Variants in CSRNP3 observed in about 807,000 individuals in gnomAD.
CSRNP3 encodes cysteine and serine rich nuclear protein 3.
Under a neutral mutation model 48.0 loss-of-function variants are expected in CSRNP3, and 12 were observed. That is an observed-to-expected ratio of 0.25 (90% CI 0.16 to 0.41). The LOEUF is 0.41. CSRNP3 is among the 10% of genes least tolerant of loss of function. The pLI is 1.00. For synonymous variants in CSRNP3, 263 were observed against 269.7 expected, an observed-to-expected ratio of 0.98 and a Z score of 0.24; for missense variants, 580 against 724.4, an observed-to-expected ratio of 0.80 and a Z score of 2.29.
chr2:165,669,829 C>G (rs983749657), intron 5 of CSRNP3, among the ~76,000 whole-genome samples: 1 of 152,032 alleles, frequency 6.6e-6, no homozygotes, highest in Non-Finnish European at 1.5e-5. Flanking sequence ...ACATGCCCAC[C>G]CCACACATAC....
intron 4 of CSRNP3, among the ~76,000 whole-genome samples, chr2:165,634,531 T>A (rs1311936575): frequency 6.6e-6 from 1 of 151,644 alleles, no homozygotes; most frequent in African/African-American, 2.4e-5. Flanking sequence ...AACAGACATA[T>A]GCATAACATC....
chr2:165,510,142 A>G (rs1684482279), intron 2 of CSRNP3, among the ~76,000 whole-genome samples: 1 of 152,122 alleles, frequency 6.6e-6, no homozygotes, highest in African/African-American at 2.4e-5. Context: ...TGTCTGCAAG[A>G]TTTATCCACT....
At chr2:165,470,028 A>G (rs908644748) in intron 1 of CSRNP3, among the ~76,000 whole-genome samples, 1 of 152,146 alleles carries the variant, frequency 6.6e-6, no homozygotes, top group Admixed American at 6.6e-5. Context: ...AATAGATAAA[A>G]TGAATCATCA....
In CSRNP3 at chr2:165,544,460, G is replaced by T. The variant is rs142920914; in HGVS notation, c.-24+26499G>T. ...GAACCATTGGAGGGTTTTGAGAAGA[G>T]GATGACATGATCTGACTTAGATATT... is the stretch of plus-strand genomic sequence containing the variant. On this transcript the variant is annotated intron_variant, in intron 3 of 6. Transcript: ENST00000651982. Among the ~76,000 whole-genome samples, 675 of 152,102 alleles carry T rather than the reference G, an allele frequency of 4.4e-3. 4 individuals carry two copies. Among genetic ancestry groups the T allele is most frequent in the African/African-American group, 0.016 (644 of 41,402 alleles).
chr2:165,561,695 T>C (rs1478987710), intron 3 of CSRNP3, among the ~76,000 whole-genome samples: 2 of 152,150 alleles, frequency 1.3e-5, no homozygotes, highest in East Asian at 3.9e-4. Context: ...CACAACAAGC[T>C]GAAATTTTAA....
chr2:165,596,137 T>C (rs970597559), intron 4 of CSRNP3, among the ~76,000 whole-genome samples: 1 of 53,998 alleles, frequency 1.9e-5, no homozygotes, highest in East Asian at 6.6e-4. Flanking sequence ...TCTTTTTGAT[T>C]TTTTTTTTTT....
intron 1 of CSRNP3, among the ~76,000 whole-genome samples, chr2:165,483,100 TATATA>T (rs1684070015): frequency 6.6e-6 from 1 of 150,740 alleles, no homozygotes; most frequent in Non-Finnish European, 1.5e-5. Context: ...TATATAAAAA[TATATA>T]ATACAGTTGT....
chr2:165,647,341 T>G (rs956943784), intron 4 of CSRNP3, among the ~76,000 whole-genome samples: 4 of 152,184 alleles, frequency 2.6e-5, no homozygotes, highest in African/African-American at 4.8e-5. Flanking sequence ...TAGGAAAATA[T>G]TTTCTCTAAT....
At chr2:165,552,035 C>A (rs1200336578) in intron 3 of CSRNP3, among the ~76,000 whole-genome samples, 2 of 152,168 alleles carry the variant, frequency 1.3e-5, no homozygotes, top group Non-Finnish European at 2.9e-5. Flanking sequence ...CTTAAGAAAA[C>A]TTTATGAAAA....
chr2:165,514,854 C>T (rs1461529119), intron 2 of CSRNP3, among the ~76,000 whole-genome samples: 2 of 152,198 alleles, frequency 1.3e-5, no homozygotes, highest in Admixed American at 6.5e-5. Context: ...CACACAGTAA[C>T]TCCTTCTTCC....
Position 165,577,874 on chromosome 2 carries a change from C to T in CSRNP3, c.-23-17169C>T, listed in dbSNP as rs535918418. Among the ~76,000 whole-genome samples, 46 of 151,974 alleles carry T rather than the reference C, an allele frequency of 3.0e-4. 1 individual carries two copies. The highest frequency in any genetic ancestry group is 1.0e-3 in the African/African-American group (43 of 41,532). On this transcript the variant is annotated intron_variant, in intron 3 of 6. Coordinates refer to ENST00000651982, the MANE Select transcript of CSRNP3 (RefSeq NM_001172173.2). ...GAGAGAAACCTTTCTCCATATTTCT[C>T]GTACGTACTGAACTCCTGACAGATA...
chr2:165,681,423 A>T lies in CSRNP3; in HGVS notation c.*1670A>T, dbSNP rs1371646102. The T allele has an allele frequency of 2.7e-5, 4 of 149,228 alleles. No homozygotes were observed. Among genetic ancestry groups the T allele is most frequent in the Non-Finnish European group, 6.0e-5 (4 of 66,982 alleles). The allele number at this position is 149,228 out of a possible 1,614,324, so 9.2% of individuals were successfully genotyped here. On this transcript the variant is annotated 3_prime_UTR_variant, in exon 7 of 7. Transcript: ENST00000651982. ...ATTGTAGATCTCAATTTCTAAAAAA[A>T]ATATTTTATTTAATTGAACTTAAAA...
chr2:165,516,509 A>G (rs1257443303), intron 2 of CSRNP3, among the ~76,000 whole-genome samples: 1 of 152,182 alleles, frequency 6.6e-6, no homozygotes, highest in Non-Finnish European at 1.5e-5. Context: ...TAATTTATTA[A>G]TTAGCTAGAA....
chr2:165,643,049 A>C (rs767336455), intron 4 of CSRNP3, among the ~76,000 whole-genome samples: 11 of 152,212 alleles, frequency 7.2e-5, no homozygotes, highest in Non-Finnish European at 1.5e-4. Context: ...AGGATTCTTT[A>C]ATAACATAAA....
intron 4 of CSRNP3, among the ~76,000 whole-genome samples, chr2:165,621,614 T>C (rs1240722855): frequency 6.6e-6 from 1 of 152,156 alleles, no homozygotes; most frequent in Non-Finnish European, 1.5e-5. Context: ...TGTTTAGCTG[T>C]TTTGTTTTGT....
At chr2:165,650,036 G>A (rs937555312) in intron 4 of CSRNP3, among the ~76,000 whole-genome samples, 1 of 151,908 alleles carries the variant, frequency 6.6e-6, no homozygotes, top group African/African-American at 2.4e-5. Flanking sequence ...CATACTTAAG[G>A]TAATTTGGAT....
At chr2:165,538,504 C>T (rs1055186083) in intron 3 of CSRNP3, among the ~76,000 whole-genome samples, 1 of 151,926 alleles carries the variant, frequency 6.6e-6, no homozygotes, top group Non-Finnish European at 1.5e-5. Flanking sequence ...CCACTTCCAT[C>T]CAGTCTCTCA....
chr2:165,511,717 C>G (rs775913775), intron 2 of CSRNP3, among the ~76,000 whole-genome samples: 1 of 151,990 alleles, frequency 6.6e-6, no homozygotes, highest in Non-Finnish European at 1.5e-5. Flanking sequence ...TCTCTTTGAG[C>G]GATATCATAG....
chr2:165,470,622 C>T (rs886358573), intron 1 of CSRNP3, among the ~76,000 whole-genome samples: 3 of 151,734 alleles, frequency 2.0e-5, no homozygotes, highest in Admixed American at 2.0e-4. Flanking sequence ...TAATATGGTC[C>T]TTTATATTGC....
Sources: gnomAD v4.1 joint callset for allele counts (sites outside exome capture counted in the v4.1 genomes callset) on GRCh38, gnomAD v4.1.1 for gene constraint, MANE v1.5 for transcripts, NCBI Gene and HGNC (gene_info 2026-07-23, HGNC 2026-07-21) for gene names.